EVC2: variants seen among roughly 807,000 people sequenced by gnomAD.
The protein encoded by EVC2 is EvC ciliary complex subunit 2, also known as limbin.
EVC2 carries 148 observed loss-of-function variants against 149.3 expected under a neutral mutation model. That is an observed-to-expected ratio of 0.99 (90% CI 0.87 to 1.14). EVC2 has a LOEUF of 1.14. EVC2 is among the 50% of genes most tolerant of loss of function. The pLI, the probability that EVC2 is intolerant of heterozygous loss-of-function variation, is 0.00. For missense variants in EVC2, 1,854 were observed against 1,627.3 expected (o/e 1.14, Z -2.40); for synonymous variants, 776 against 649.9 (o/e 1.19, Z -2.95).
At chr4:5,586,509 T>C (rs1270929969) in intron 16 of EVC2, among the ~76,000 whole-genome samples, 2 of 152,134 alleles carry the variant, frequency 1.3e-5, no homozygotes, top group Non-Finnish European at 2.9e-5. Context: ...GAGCTGAACA[T>C]GCCTCCTTAT....
At chr4:5,683,847 C>T (rs1720511573) in intron 6 of EVC2, among the ~76,000 whole-genome samples, 1 of 149,558 alleles carries the variant, frequency 6.7e-6, no homozygotes, top group African/African-American at 2.4e-5. Context: ...AACACACACA[C>T]ACAGCTGCCC....
At chr4:5,615,292 A>G in intron 16 of EVC2, 130 bp downstream of exon 16, 1 of 1,461,226 alleles carries the variant, frequency 6.8e-7, no homozygotes. Context: ...TTAGCACCTG[A>G]GTGAGTGAGC....
At position 5,610,794 on chromosome 4, in the gene EVC2, C is replaced by CTTTTTT. The variant is rs10690279; in HGVS notation, c.2829+4622_2829+4627dup. ...TTATGTCTTGCTCCTTTTTCCTTTT[C>CTTTTTT]TTTTTTTTTTTTTTTTTGCCAAATG... On this transcript the variant is annotated intron_variant, in intron 16 of 21. Transcript: ENST00000344408. Among the ~76,000 whole-genome samples, 272 of 126,450 alleles carry CTTTTTT rather than the reference C, an allele frequency of 2.2e-3. 1 individual carries two copies. Among genetic ancestry groups the CTTTTTT allele is most frequent in the African/African-American group, 8.0e-3 (261 of 32,776 alleles). The allele number at this position is 126,450 out of a possible 152,430, so 83.0% of individuals were successfully genotyped here. A position where few individuals can be genotyped will look rare whatever the true frequency, so the allele number is the denominator to read the frequency against.
In EVC2 at chr4:5,574,413, T is replaced by C. The variant is rs7670299; in HGVS notation, c.3360+272A>G. 0.48 allele frequency among the ~76,000 whole-genome samples: 72,285 copies of C among 152,100 alleles called. 18,887 individuals carry two copies. Among genetic ancestry groups the C allele is most frequent in the East Asian group, 0.86 (4,438 of 5,160 alleles). ...TTGTATATTAAACTTAGTTAAAGATTGAGAAGAAGGACAATATTTGGGTGC... is the reference window on the plus strand; with the variant it reads ...TTGTATATTAAACTTAGTTAAAGATCGAGAAGAAGGACAATATTTGGGTGC... On this transcript the variant is annotated intron_variant, in intron 19 of 21. Transcript: ENST00000344408.
chr4:5,588,834 G>A (rs1031226585), intron 16 of EVC2, among the ~76,000 whole-genome samples: 1 of 152,140 alleles, frequency 6.6e-6, no homozygotes, highest in African/African-American at 2.4e-5. Flanking sequence ...CCCCATTTAT[G>A]CTGGAGGTTG....
chr4:5,618,772 C>T lies in EVC2; in HGVS notation c.2502-90G>A. The T allele has an allele frequency of 8.1e-7, 1 of 1,239,240 alleles. No homozygotes were observed. Among genetic ancestry groups the T allele is most frequent in the Non-Finnish European group, 1.2e-6 (1 of 864,556 alleles). The allele number at this position is 1,239,240 out of a possible 1,614,324, so 76.8% of individuals were successfully genotyped here. A position where few individuals can be genotyped will look rare whatever the true frequency, so the allele number is the denominator to read the frequency against. On this transcript the variant is annotated intron_variant, in intron 14 of 21. Transcript: ENST00000344408. The surrounding 1 kb of genome is among the most constrained non-coding windows in gnomAD (Gnocchi z 4.4). ...GAAGCCAGAGATGCAAAGCTCATTC[C>T]TCATATCCATGTCTGCAGAAAAAGC...
the EVC2 span, among the ~76,000 whole-genome samples, chr4:5,535,457 A>G: frequency 0.42 from 63,148 of 151,886 alleles, 15,304 homozygotes; most frequent in East Asian, 0.92. The surrounding 1 kb of genome is among the most constrained non-coding windows in gnomAD (Gnocchi z 4.7). Flanking sequence ...AGGGAGGCAC[A>G]TATGGTCTCA....
Position 5,618,695 on chromosome 4 carries a change from A to G in EVC2, c.2502-13T>C. On this transcript the variant is annotated splice_polypyrimidine_tract_variant and intron_variant, in intron 14 of 21. Coordinates refer to ENST00000344408, the MANE Select transcript of EVC2 (RefSeq NM_147127.5). This position sits in a 1 kb window ranked among gnomAD's most constrained non-coding sequence, Gnocchi z 4.4. Reference sequence around the variant, plus strand: ...GGAGCAGAGCTTCCTGGGAGGAAGAACAGAGACACACTCTTAACACAGAGA... The same window carrying G: ...GGAGCAGAGCTTCCTGGGAGGAAGAGCAGAGACACACTCTTAACACAGAGA... 3 of 1,575,536 alleles carry G rather than the reference A, an allele frequency of 1.9e-6. No individual in the cohort carries two copies. The highest frequency in any genetic ancestry group is 2.6e-6 in the Non-Finnish European group (3 of 1,159,926).
downstream of EVC2, among the ~76,000 whole-genome samples, chr4:5,560,508 G>A (rs189249714): frequency 2.1e-4 from 32 of 152,176 alleles, no homozygotes; most frequent in African/African-American, 5.1e-4. This position sits in a 1 kb window ranked among gnomAD's most constrained non-coding sequence, Gnocchi z 4.1. Flanking sequence ...ATCAGATCTC[G>A]TGAGACTCAC....
chr4:5,553,011 T>C (rs780367885), intron 21 of EVC2, among the ~76,000 whole-genome samples: 2 of 152,198 alleles, frequency 1.3e-5, no homozygotes, highest in African/African-American at 2.4e-5. Flanking sequence ...TAGAGTCCTG[T>C]GATGGATATT....
At chr4:5,676,629 T>C (rs1052315157) in intron 7 of EVC2, among the ~76,000 whole-genome samples, 3 of 152,178 alleles carry the variant, frequency 2.0e-5, no homozygotes, top group African/African-American at 7.2e-5. Context: ...CAGTCAACAC[T>C]GGCTTAACCT....
chr4:5,598,718 T>C (rs997465765), intron 16 of EVC2, among the ~76,000 whole-genome samples: 1 of 152,062 alleles, frequency 6.6e-6, no homozygotes, highest in Non-Finnish European at 1.5e-5. Flanking sequence ...AATTGACAAA[T>C]GGGATCTCAT....
intron 9 of EVC2, among the ~76,000 whole-genome samples, chr4:5,662,527 A>C (rs896590570): frequency 6.9e-6 from 1 of 143,948 alleles, no homozygotes; most frequent in East Asian, 2.0e-4. Flanking sequence ...TTAATATTAA[A>C]TATATTAAAT....
chr4:5,543,000 G>C, intron 22 of EVC2: 1 of 521,790 alleles, frequency 1.9e-6, no homozygotes, highest in Non-Finnish European at 3.2e-6. Flanking sequence ...CACCCACACT[G>C]TTAAGTGATG....
In EVC2 at chr4:5,625,238, C is replaced by T. The variant is rs1481386967; in HGVS notation, c.2046+511G>A. On this transcript the variant is annotated intron_variant, in intron 13 of 21. Transcript: ENST00000344408. The surrounding 1 kb of genome is among the most constrained non-coding windows in gnomAD (Gnocchi z 4.0). ...CCCTCGTCCCTCTGCACACTCCAGC[C>T]TCATCATATTCTTAGAGTCCCCAAA... Among the ~76,000 whole-genome samples the T allele has an allele frequency of 2.0e-5, 3 of 151,822 alleles. No individual in the cohort carries two copies. The South Asian group carries it at 6.3e-4, about 32-fold the overall frequency.
In EVC2 at chr4:5,708,542, G is replaced by C. The variant is rs754218861; in HGVS notation, c.-29C>G. On this transcript the variant is annotated 5_prime_UTR_variant, in exon 1 of 22. Coordinates refer to ENST00000344408, the MANE Select transcript of EVC2 (RefSeq NM_147127.5). ...CTGTCGGGACCCGCTACCTCAAAGC[G>C]GCGGGTGCCGCCGAGTCGCTGGAGC... The C allele has an allele frequency of 7.2e-6, 10 of 1,390,258 alleles. No homozygotes were observed. In the East Asian group the frequency reaches 2.7e-4, roughly 37 times the overall value. 86.1% of individuals were successfully genotyped at this position (1,390,258 alleles called of 1,614,324 possible).
chr4:5,552,829 C>T (rs575960819), intron 21 of EVC2, among the ~76,000 whole-genome samples: 130 of 152,272 alleles, frequency 8.5e-4, no homozygotes, highest in African/African-American at 2.8e-3. Flanking sequence ...AGACAAAGAA[C>T]ACTAGATAGC....
At chr4:5,708,734 C>G (rs910027745), upstream of EVC2, 9 of 444,100 alleles carry the variant, frequency 2.0e-5, no homozygotes, top group Non-Finnish European at 3.1e-5. Flanking sequence ...GGCGGCCAGG[C>G]CTGGGTTTGC....
chr4:5,621,113 T>C (rs1027987222), intron 14 of EVC2, among the ~76,000 whole-genome samples: 6 of 152,144 alleles, frequency 3.9e-5, no homozygotes, highest in African/African-American at 1.2e-4. Flanking sequence ...CAAGATAGTA[T>C]CAATCTTTGC....
Sources: allele counts gnomAD v4.1 joint callset (sites outside exome capture counted in the v4.1 genomes callset), GRCh38; gene constraint gnomAD v4.1.1; non-coding constraint Gnocchi (gnomAD v3.1); transcripts MANE v1.5; gene names NCBI Gene and HGNC (gene_info 2026-07-23, HGNC 2026-07-21).